Variants in SYNDIG1 observed in about 807,000 individuals in gnomAD.
The protein encoded by SYNDIG1 is synapse differentiation inducing 1.
Under a neutral mutation model 19.4 loss-of-function variants are expected in SYNDIG1, and 9 were observed. That is an observed-to-expected ratio of 0.46 (90% confidence interval 0.28 to 0.81). SYNDIG1 has a LOEUF of 0.81. Ranked by LOEUF, SYNDIG1 falls within the 30% of genes least tolerant of loss-of-function variation. The pLI is 0.12. For synonymous variants in SYNDIG1, 141 were observed against 145.9 expected (o/e 0.97, Z 0.24); for missense variants, 311 against 343.3 (o/e 0.91, Z 0.74).
intron 3 of SYNDIG1, among the ~76,000 whole-genome samples, chr20:24,625,625 A>C (rs964882651): frequency 6.6e-6 from 1 of 151,880 alleles, no homozygotes; most frequent in African/African-American, 2.4e-5. Context: ...ACCGCCCTTA[A>C]TCCATTTAAC....
At chr20:24,555,069 T>C (rs2057785794) in intron 2 of SYNDIG1, among the ~76,000 whole-genome samples, 1 of 152,138 alleles carries the variant, frequency 6.6e-6, no homozygotes, top group Non-Finnish European at 1.5e-5. Context: ...CCATTTCTTC[T>C]AGATTTTCTA....
chr20:24,624,074 A>C (rs1469447285), intron 3 of SYNDIG1, among the ~76,000 whole-genome samples: 2 of 152,140 alleles, frequency 1.3e-5, no homozygotes, highest in African/African-American at 4.8e-5. Context: ...CATCCTAGCT[A>C]ACATGGTGAA....
intron 1 of SYNDIG1, among the ~76,000 whole-genome samples, chr20:24,478,635 C>T (rs902127611): frequency 6.6e-6 from 1 of 152,222 alleles, no homozygotes; most frequent in Non-Finnish European, 1.5e-5. Context: ...GCAGACAGCT[C>T]CAGCTTCCAG....
intron 2 of SYNDIG1, among the ~76,000 whole-genome samples, chr20:24,553,906 G>A (rs2146816774): frequency 6.6e-6 from 1 of 152,270 alleles, no homozygotes; most frequent in Admixed American, 6.5e-5. Flanking sequence ...GGGCAGTATG[G>A]CCATTTTCAC....
intron 3 of SYNDIG1, among the ~76,000 whole-genome samples, chr20:24,617,971 G>T (rs2058969004): frequency 6.9e-6 from 1 of 145,932 alleles, no homozygotes; most frequent in South Asian, 2.2e-4. Flanking sequence ...CCCCGGGTGG[G>T]GGCTGAAGTC....
intron 3 of SYNDIG1, among the ~76,000 whole-genome samples, chr20:24,605,419 C>CCT (rs140897225): frequency 2.0e-5 from 3 of 151,782 alleles, no homozygotes; most frequent in African/African-American, 4.8e-5. Context: ...TGGTATCTCT[C>CCT]CTCTCTCTCT....
chr20:24,599,110 C>T (rs1403058734), intron 3 of SYNDIG1, among the ~76,000 whole-genome samples: 1 of 152,032 alleles, frequency 6.6e-6, no homozygotes. Context: ...GATTAATATC[C>T]AGAATATGCA....
In SYNDIG1 at chr20:24,588,673, G is replaced by T. The variant is rs938770074; in HGVS notation, c.618+3680G>T. Among the ~76,000 whole-genome samples, 6 of 152,178 alleles carry T rather than the reference G, an allele frequency of 3.9e-5. No individual in the cohort carries two copies. In the East Asian group the frequency reaches 1.2e-3, roughly 29 times the overall value. On this transcript the variant is annotated intron_variant, in intron 3 of 3. Transcript: ENST00000376862. ...AATCTAATAAGAAGTGGGAAGCTGC[G>T]GGATGTCTTTTGGAAGAAATGACCC...
intron 3 of SYNDIG1, among the ~76,000 whole-genome samples, chr20:24,586,169 G>A (rs761649177): frequency 4.6e-5 from 7 of 152,164 alleles, no homozygotes; most frequent in Non-Finnish European, 8.8e-5. Context: ...GAGGGCAAGC[G>A]CTTCCTGACA....
intron 3 of SYNDIG1, among the ~76,000 whole-genome samples, chr20:24,607,275 T>C (rs2058769973): frequency 6.6e-6 from 1 of 150,528 alleles, no homozygotes; most frequent in African/African-American, 2.4e-5. Flanking sequence ...GCAGGAGCAT[T>C]GCTTGAACCC....
intron 1 of SYNDIG1, among the ~76,000 whole-genome samples, chr20:24,533,224 AT>A (rs2057296950): frequency 6.6e-6 from 1 of 151,296 alleles, no homozygotes; most frequent in Non-Finnish European, 1.5e-5. Flanking sequence ...CCTTTTTCTA[AT>A]TTTTGTTGTA....
intron 3 of SYNDIG1, among the ~76,000 whole-genome samples, chr20:24,615,001 T>C (rs1230966377): frequency 1.3e-5 from 2 of 152,256 alleles, no homozygotes; most frequent in Admixed American, 6.5e-5. Context: ...AACAAGCTTA[T>C]GTTTCAAAGG....
chr20:24,565,074 C>G (rs2058020304), intron 2 of SYNDIG1, among the ~76,000 whole-genome samples: 1 of 152,188 alleles, frequency 6.6e-6, no homozygotes, highest in African/African-American at 2.4e-5. Flanking sequence ...TACGGTTCAT[C>G]TGAATCTTCA....
chr20:24,588,346 T>G (rs76093735), intron 3 of SYNDIG1, among the ~76,000 whole-genome samples: 3,849 of 152,304 alleles, frequency 0.025, 124 homozygotes, highest in African/African-American at 0.074. Context: ...TAAAAATATG[T>G]TCATGAAGTA....
chr20:24,482,537 A>T (rs940041221), intron 1 of SYNDIG1, among the ~76,000 whole-genome samples: 1 of 152,180 alleles, frequency 6.6e-6, no homozygotes, highest in Non-Finnish European at 1.5e-5. Flanking sequence ...TTTCACTGAA[A>T]TGTTCACTGA....
chr20:24,577,231 GT>G (rs2146974710), intron 2 of SYNDIG1, among the ~76,000 whole-genome samples: 1 of 152,322 alleles, frequency 6.6e-6, no homozygotes, highest in Admixed American at 6.5e-5. Context: ...GATGTCTGTG[GT>G]TTTTACGTGA....
chr20:24,533,186 C>T (rs940376760), intron 1 of SYNDIG1, among the ~76,000 whole-genome samples: 19 of 151,906 alleles, frequency 1.3e-4, no homozygotes, highest in Admixed American at 1.3e-4. Context: ...GCAGCTTATA[C>T]GCTTGCAGAA....
intron 3 of SYNDIG1, among the ~76,000 whole-genome samples, chr20:24,657,765 G>T (rs919365529): frequency 1.3e-5 from 2 of 152,238 alleles, no homozygotes; most frequent in Non-Finnish European, 1.5e-5. Flanking sequence ...CTGCCTCTTT[G>T]TCGAGTACAG....
At position 24,617,351 on chromosome 20, in the gene SYNDIG1, C is replaced by T. The variant is rs57740437; in HGVS notation, c.618+32358C>T. Among the ~76,000 whole-genome samples, 1,416 of 152,258 alleles carry T rather than the reference C, an allele frequency of 9.3e-3. 28 individuals are homozygous for T. Among genetic ancestry groups the T allele is most frequent in the African/African-American group, 0.032 (1,330 of 41,530 alleles). ...CTCCTCTCTGCTGCCCTGTCACCTC[C>T]GCACCCAGCTGACTGAGGGACAAAA... On this transcript the variant is annotated intron_variant, in intron 3 of 3. Transcript: ENST00000376862.
Sources: allele counts gnomAD v4.1 joint callset (sites outside exome capture counted in the v4.1 genomes callset), GRCh38; gene constraint gnomAD v4.1.1; transcripts MANE v1.5; gene names NCBI Gene and HGNC (gene_info 2026-07-23, HGNC 2026-07-21).